Variants in RMDN2 observed in about 807,000 individuals in gnomAD.
RMDN2 encodes the protein regulator of microtubule dynamics 2.
In RMDN2, 61 loss-of-function variants were observed where a neutral mutation model predicts 52.8. That is an observed-to-expected ratio of 1.16 (90% CI 0.94 to 1.43). RMDN2 has a LOEUF of 1.43. Ranked by LOEUF, RMDN2 falls within the 40% of genes most tolerant of loss-of-function variation. RMDN2 has a pLI of 0.00. For missense variants in RMDN2, 592 were observed against 475.3 expected, an observed-to-expected ratio of 1.25 and a Z score of -2.28; for synonymous variants, 180 against 153.1, an observed-to-expected ratio of 1.18 and a Z score of -1.30.
At chr2:37,943,409 A>T (rs1187295073) in intron 2 of RMDN2, among the ~76,000 whole-genome samples, 1 of 152,242 alleles carries the variant, frequency 6.6e-6, no homozygotes, top group Non-Finnish European at 1.5e-5. Flanking sequence ...TTCTGATCCA[A>T]GCAGGAATCC....
chr2:37,963,272 A>G (rs1416722045), intron 2 of RMDN2: 1 of 147,004 alleles, frequency 6.8e-6, no homozygotes, highest in African/African-American at 2.5e-5. Flanking sequence ...TGCTTCTGTT[A>G]CTATACCCTT....
At chr2:38,014,138 G>A (rs1678403220) in intron 10 of RMDN2, among the ~76,000 whole-genome samples, 1 of 152,176 alleles carries the variant, frequency 6.6e-6, no homozygotes, top group Non-Finnish European at 1.5e-5. Context: ...CTTGAACCTG[G>A]GAGGCAGAGG....
At chr2:37,934,548 TA>T (rs2124907373) in intron 2 of RMDN2, among the ~76,000 whole-genome samples, 1 of 152,140 alleles carries the variant, frequency 6.6e-6, no homozygotes, top group East Asian at 1.9e-4. Flanking sequence ...ATTTATATTT[TA>T]TTTTTTATTT....
intron 2 of RMDN2, among the ~76,000 whole-genome samples, chr2:37,943,722 A>G (rs1418145388): frequency 1.3e-5 from 2 of 152,064 alleles, no homozygotes; most frequent in African/African-American, 4.8e-5. Context: ...TTATATATGC[A>G]TTTTTCATGT....
chr2:38,052,644 A>G (rs1229383417), intron 10 of RMDN2, among the ~76,000 whole-genome samples: 1 of 152,140 alleles, frequency 6.6e-6, no homozygotes, highest in African/African-American at 2.4e-5. Context: ...CAGGACCTTC[A>G]TATTCTTAAT....
At chr2:37,957,520 G>GAA (rs1558469586) in intron 2 of RMDN2, among the ~76,000 whole-genome samples, 1 of 152,132 alleles carries the variant, frequency 6.6e-6, no homozygotes. Context: ...ATTTATTTAA[G>GAA]TTCCTTGTAG....
intron 2 of RMDN2, among the ~76,000 whole-genome samples, chr2:37,942,840 G>A (rs982415187): frequency 2.6e-5 from 4 of 152,184 alleles, no homozygotes; most frequent in African/African-American, 7.2e-5. Context: ...ACAAAGCAAA[G>A]TCTCACAAGT....
Position 37,997,703 on chromosome 2 carries a change from A to ACTAAGTTATGCC in RMDN2, c.1044+192_1044+193insAGTTATGCCCTA, listed in dbSNP as rs1675760159. The ACTAAGTTATGCC allele has an allele frequency of 1.8e-5, 10 of 551,978 alleles. No homozygotes were observed. In the South Asian group the frequency reaches 2.1e-4, roughly 11 times the overall value. The allele number at this position is 551,978 out of a possible 1,614,324, so 34.2% of individuals were successfully genotyped here. The stretch of plus-strand genomic sequence containing the variant: ...TTTTAAGTCTAAACTCCTTAGAACA[A>ACTAAGTTATGCC]CTAGTTATGCCCTAGGTTCTAGGAA... On this transcript the variant is annotated intron_variant, in intron 8 of 10. Transcript: ENST00000354545.
intron 2 of RMDN2, among the ~76,000 whole-genome samples, chr2:37,944,594 C>T (rs1261490532): frequency 6.6e-6 from 1 of 152,120 alleles, no homozygotes; most frequent in African/African-American, 2.4e-5. Context: ...ACTGTGTTTA[C>T]CGGATTTGAG....
intron 5 of RMDN2, among the ~76,000 whole-genome samples, chr2:37,986,604 G>T (rs1019375815): frequency 6.6e-6 from 1 of 151,972 alleles, no homozygotes; most frequent in African/African-American, 2.4e-5. Context: ...TTTATTCCTG[G>T]TCTGCAAGAC....
chr2:38,067,007 C>G, exon 11 of RMDN2: 1 of 1,613,530 alleles, frequency 6.2e-7, no homozygotes, highest in Non-Finnish European at 8.5e-7. Flanking sequence ...AGATAAAGAG[C>G]CTTTGGTACC....
chr2:37,985,632 T>G (rs1673905934), intron 5 of RMDN2, among the ~76,000 whole-genome samples: 1 of 152,078 alleles, frequency 6.6e-6, no homozygotes, highest in African/African-American at 2.4e-5. Flanking sequence ...TTCAGTAATT[T>G]TGTTGGTGGG....
chr2:38,017,032 T>G (rs1228807240), intron 10 of RMDN2, among the ~76,000 whole-genome samples, 154 bp from the exon 11 acceptor site: 1 of 152,090 alleles, frequency 6.6e-6, no homozygotes, highest in Non-Finnish European at 1.5e-5. Flanking sequence ...ATGTCCTGAA[T>G]TAGGGAAAGT....
chr2:37,922,641 T>C (rs1558424972), upstream of RMDN2, among the ~76,000 whole-genome samples: 1 of 152,236 alleles, frequency 6.6e-6, no homozygotes, highest in South Asian at 2.1e-4. Context: ...GCAGTAATTA[T>C]ATAGTGTACA....
intron 2 of RMDN2, among the ~76,000 whole-genome samples, chr2:37,973,296 C>T (rs916552982): frequency 3.9e-5 from 6 of 152,084 alleles, no homozygotes; most frequent in African/African-American, 1.4e-4. Flanking sequence ...TTTTAAAAAC[C>T]ACGTTAAAGT....
At chr2:37,983,814 G>A (rs914475714) in intron 5 of RMDN2, among the ~76,000 whole-genome samples, 1 of 152,250 alleles carries the variant, frequency 6.6e-6, no homozygotes, top group African/African-American at 2.4e-5. Flanking sequence ...TTATTAGTAT[G>A]ATAATAAGAC....
upstream of RMDN2, among the ~76,000 whole-genome samples, chr2:37,922,125 T>C (rs1204274674): frequency 2.6e-5 from 4 of 152,300 alleles, no homozygotes; most frequent in Non-Finnish European, 5.9e-5. Flanking sequence ...TGCAGTAAAA[T>C]ATTTCCTTAA....
intron 4 of RMDN2, among the ~76,000 whole-genome samples, chr2:37,978,858 T>C (rs147612880): frequency 1.1e-3 from 160 of 152,234 alleles, no homozygotes; most frequent in African/African-American, 3.7e-3. Flanking sequence ...AAGGAGAATA[T>C]GATGGCAGAG....
chr2:38,011,290 G>C (rs1384983733), intron 10 of RMDN2, among the ~76,000 whole-genome samples: 1 of 152,222 alleles, frequency 6.6e-6, no homozygotes, highest in Non-Finnish European at 1.5e-5. Flanking sequence ...CTTTGATTCA[G>C]TAAGTCAGGA....
Sources: gnomAD v4.1 joint callset for allele counts (sites outside exome capture counted in the v4.1 genomes callset) on GRCh38, gnomAD v4.1.1 for gene constraint, MANE v1.5 for transcripts, NCBI Gene and HGNC (gene_info 2026-07-23, HGNC 2026-07-21) for gene names.